UBR3: variants seen among roughly 807,000 people sequenced by gnomAD.
The protein encoded by UBR3 is E3 ubiquitin-protein ligase UBR3.
A neutral mutation model predicts 243.2 loss-of-function variants in UBR3; 85 were observed. The observed-to-expected ratio is 0.35, with a 90% CI of 0.29 to 0.42. The LOEUF (loss-of-function observed/expected upper bound fraction) is 0.42, where lower values mean the gene tolerates loss of function less well. Ranked by LOEUF, UBR3 falls within the 10% of genes least tolerant of loss-of-function variation. The pLI, the probability that UBR3 is intolerant of heterozygous loss-of-function variation, is 1.00. For missense variants in UBR3, 1,686 were observed against 2,300.8 expected (o/e 0.73, Z 5.47); for synonymous variants, 748 against 799.8 (o/e 0.94, Z 1.09).
intron 24 of UBR3, among the ~76,000 whole-genome samples, chr2:169,966,693 G>A (rs1304588580): frequency 6.6e-6 from 1 of 152,108 alleles, no homozygotes; most frequent in African/African-American, 2.4e-5. Context: ...TCTCTACCTC[G>A]TTTTCACATT....
intron 23 of UBR3, among the ~76,000 whole-genome samples, chr2:169,952,412 A>G (rs2087075434): frequency 2.0e-5 from 3 of 152,238 alleles, no homozygotes; most frequent in Non-Finnish European, 4.4e-5. Context: ...TTTTAGTCAC[A>G]TATATAGTTA....
intron 31 of UBR3, among the ~76,000 whole-genome samples, chr2:170,035,945 G>T (rs2090820177): frequency 6.7e-6 from 1 of 148,314 alleles, no homozygotes. Context: ...GATGCTGTGT[G>T]TTTATTTTCA....
At position 169,958,452 on chromosome 2, in the gene UBR3, G is replaced by A. The variant is rs2087413882; in HGVS notation, c.3560G>A (p.Arg1187Lys). 3 of 1,613,124 alleles carry A rather than the reference G, an allele frequency of 1.9e-6. No individual in the cohort carries two copies. Among genetic ancestry groups the A allele is most frequent in the Non-Finnish European group, 2.5e-6 (3 of 1,179,346 alleles). ...GTTTAATCTAGGCGACAGAAGGCTAGAGAGAGGCAGCAGAAATTGCTTGCG... is the reference window on the plus strand; with the variant it reads ...GTTTAATCTAGGCGACAGAAGGCTAAAGAGAGGCAGCAGAAATTGCTTGCG... ...LDKEERRQKA[R>K]ERQQKLLAEF... The change falls in exon 24 of 39, where the codon AGA (arginine) becomes AAA (lysine). Residue 1187 changes from arginine to lysine, a missense_variant. Physicochemically the swap from Arg to Lys is conservative, Grantham distance 26. Transcript: ENST00000272793.
intron 18 of UBR3, 140 bp downstream of exon 18, chr2:169,929,008 C>A: frequency 1.4e-6 from 1 of 709,066 alleles, no homozygotes; most frequent in Non-Finnish European, 2.0e-6. Flanking sequence ...AAATGTATGT[C>A]TTTATTGGTA....
Position 169,827,855 on chromosome 2 carries a change from C to T in UBR3, c.348C>T (p.Pro116=). The change falls in exon 1 of 39, where the codon CCC becomes CCT. Residue 116 remains proline, a synonymous_variant. Coordinates refer to ENST00000272793, the MANE Select transcript of UBR3 (RefSeq NM_172070.4). ...EFCAAVRAYD[P]AALCGLVWTA... ...GCGCGGCGGTGCGGGCCTACGATCC[C>T]GCGGCGCTCTGCGGCCTGGTCTGGA... The T allele has an allele frequency of 2.7e-6, 4 of 1,505,414 alleles. No homozygotes were observed. The South Asian group carries it at 5.0e-5, about 19-fold the overall frequency. 93.3% of individuals were successfully genotyped at this position (1,505,414 alleles called of 1,614,324 possible). A position where few individuals can be genotyped will look rare whatever the true frequency, so the allele number is the denominator to read the frequency against.
At chr2:169,843,531 C>A (rs536691720) in intron 1 of UBR3, among the ~76,000 whole-genome samples, 13 of 152,322 alleles carry the variant, frequency 8.5e-5, no homozygotes, top group African/African-American at 3.1e-4. Context: ...GATTCAGTTA[C>A]AAACCTGAGT....
At chr2:170,022,529 G>T (rs1236625065) in intron 30 of UBR3, among the ~76,000 whole-genome samples, 1 of 152,138 alleles carries the variant, frequency 6.6e-6, no homozygotes, top group Non-Finnish European at 1.5e-5. Context: ...TGAAGGCATG[G>T]ATTCTAGTGT....
chr2:170,064,418 T>TA (rs886532060), intron 35 of UBR3, among the ~76,000 whole-genome samples: 38 of 151,586 alleles, frequency 2.5e-4, no homozygotes, highest in Middle Eastern at 3.4e-3. Context: ...AATTAAAAAT[T>TA]AAAAAAAAAT....
At chr2:169,878,939 C>T (rs73024495) in intron 5 of UBR3, among the ~76,000 whole-genome samples, 6,572 of 152,076 alleles carry the variant, frequency 0.043, 163 homozygotes, top group Middle Eastern at 0.068. Context: ...TTGAAAATTT[C>T]GCTAAGTTTA....
rs559447835 is a variant in UBR3 at position 169,981,241 on chromosome 2, G to A, written c.3635-5404G>A. Among the ~76,000 whole-genome samples, 16 of 152,146 alleles carry A rather than the reference G, an allele frequency of 1.1e-4. No individual in the cohort carries two copies. The South Asian group carries it at 3.3e-3, about 32-fold the overall frequency. ...TCCTTAAGTGTGAGCTGCATGTAAT[G>A]GCTTCTTGGTGTGGAAAGGGGGAAA... On this transcript the variant is annotated intron_variant, in intron 24 of 38. Coordinates refer to ENST00000272793, the MANE Select transcript of UBR3 (RefSeq NM_172070.4).
At chr2:170,045,342 T>C (rs894662726) in intron 32 of UBR3, among the ~76,000 whole-genome samples, 8 of 151,938 alleles carry the variant, frequency 5.3e-5, no homozygotes, top group Non-Finnish European at 1.2e-4. Context: ...GTTAAAATTA[T>C]GGGAGTTAAA....
In UBR3 at chr2:169,861,221, ACTTCGTAT is replaced by A. The variant is rs2083077104; in HGVS notation, c.546-11013_546-11006del. On this transcript the variant is annotated intron_variant, in intron 1 of 38. Transcript: ENST00000272793. Reference sequence around the variant, plus strand: ...TCTCACAGATACACCCAGGAACAATACTTCGTATCCAATCAAGTTGACAGTCAATATTA... The same window carrying A: ...TCTCACAGATACACCCAGGAACAATACCAATCAAGTTGACAGTCAATATTA... Among the ~76,000 whole-genome samples the A allele has an allele frequency of 2.0e-5, 3 of 152,308 alleles. No homozygotes were observed. The South Asian group carries it at 6.2e-4, about 32-fold the overall frequency.
chr2:169,866,889 A>AC (rs1360203376), intron 1 of UBR3, among the ~76,000 whole-genome samples: 7 of 152,174 alleles, frequency 4.6e-5, no homozygotes, highest in African/African-American at 1.7e-4. Context: ...TGAAAGACCT[A>AC]CCTGAAGGGT....
chr2:169,954,730 A>G (rs1347075798), intron 23 of UBR3, among the ~76,000 whole-genome samples: 1 of 152,026 alleles, frequency 6.6e-6, no homozygotes, highest in African/African-American at 2.4e-5. Context: ...GCTTGCCACC[A>G]TGCCCGGCTA....
chr2:170,053,540 C>G (rs889483976), intron 32 of UBR3, among the ~76,000 whole-genome samples: 1 of 152,154 alleles, frequency 6.6e-6, no homozygotes, highest in Non-Finnish European at 1.5e-5. Flanking sequence ...TAAGTCATAA[C>G]AGCTATGAGT....
intron 1 of UBR3, among the ~76,000 whole-genome samples, chr2:169,830,777 A>G (rs915118776): frequency 6.6e-6 from 1 of 151,844 alleles, no homozygotes; most frequent in Non-Finnish European, 1.5e-5. Flanking sequence ...CTTTACTGAT[A>G]TTTAGACATT....
At position 169,878,575 on chromosome 2, in the gene UBR3, G is replaced by A; in HGVS notation, c.1038+1G>A. ...GGGACAAGTGGATTCTTCAGATGAGGTGAGATTTAAAGTTCAAAACTTTTT... is the reference window on the plus strand; with the variant it reads ...GGGACAAGTGGATTCTTCAGATGAGATGAGATTTAAAGTTCAAAACTTTTT... On this transcript the variant is annotated splice_donor_variant, in intron 5 of 38. Coordinates refer to ENST00000272793, the MANE Select transcript of UBR3 (RefSeq NM_172070.4). LOFTEE classifies it high-confidence loss of function. 6.5e-7 allele frequency: 1 copy of A among 1,550,046 alleles called. No individual in the cohort carries two copies. Among genetic ancestry groups the A allele is most frequent in the Non-Finnish European group, 8.7e-7 (1 of 1,146,166 alleles).
chr2:169,995,065 T>C (rs970013935), intron 26 of UBR3, among the ~76,000 whole-genome samples: 3 of 152,114 alleles, frequency 2.0e-5, no homozygotes, highest in Non-Finnish European at 4.4e-5. Context: ...GGAAAATGAA[T>C]GAAATAATGA....
chr2:169,870,010 CT>C (rs988280713), intron 1 of UBR3, among the ~76,000 whole-genome samples: 18 of 151,682 alleles, frequency 1.2e-4, no homozygotes, highest in African/African-American at 3.4e-4. Context: ...TCTTTTGTGG[CT>C]TTTGGTTTTA....
Sources: allele counts gnomAD v4.1 joint callset (sites outside exome capture counted in the v4.1 genomes callset), GRCh38; gene constraint gnomAD v4.1.1; transcripts MANE v1.5; gene names NCBI Gene and HGNC (gene_info 2026-07-23, HGNC 2026-07-21).